The following MAMDC2 variants were observed in gnomAD, a reference collection of about 807,000 sequenced individuals.
The protein encoded by MAMDC2 is MAM domain containing 2.
MAMDC2 carries 57 observed loss-of-function variants against 89.8 expected under a neutral mutation model. The observed-to-expected ratio is 0.63, with a 90% confidence interval of 0.51 to 0.79. The LOEUF is 0.79. Ranked by LOEUF, MAMDC2 falls within the 30% of genes least tolerant of loss-of-function variation. The pLI is 0.00. For synonymous variants in MAMDC2, 313 were observed against 293.4 expected (o/e 1.07, Z -0.68); for missense variants, 800 against 820.6 (o/e 0.97, Z 0.31).
intron 9 of MAMDC2, chr9:70,157,857 A>G (rs1225405653): frequency 2.0e-5 from 3 of 152,268 alleles, no homozygotes; most frequent in African/African-American, 7.2e-5. Context: ...CCAAAGGTAA[A>G]CTAAGCAATA....
At chr9:70,114,262 G>C (rs1199985017) in intron 5 of MAMDC2, among the ~76,000 whole-genome samples, 1 of 145,622 alleles carries the variant, frequency 6.9e-6, no homozygotes, top group African/African-American at 2.6e-5. Flanking sequence ...ATGTGGGCTG[G>C]GTGAGGACTG....
chr9:70,217,170 TTTCTC>T, intron 11 of MAMDC2: 1 of 675,470 alleles, frequency 1.5e-6, no homozygotes, highest in South Asian at 1.7e-5. Flanking sequence ...TTCGCCATCT[TTTCTC>T]TTCCCGTGGA....
chr9:70,054,932 G>T (rs1351088227), intron 2 of MAMDC2, among the ~76,000 whole-genome samples: 1 of 152,100 alleles, frequency 6.6e-6, no homozygotes, highest in Non-Finnish European at 1.5e-5. Flanking sequence ...CAAAAACAAG[G>T]CCAGGCATAG....
At chr9:70,150,048 T>C (rs12686850) in intron 9 of MAMDC2, among the ~76,000 whole-genome samples, 10,487 of 152,190 alleles carry the variant, frequency 0.069, 570 homozygotes, top group East Asian at 0.22. Flanking sequence ...AGCTTTTTCA[T>C]TGTGAGTGAC....
At chr9:70,128,567 G>A (rs1393410005) in intron 6 of MAMDC2, among the ~76,000 whole-genome samples, 1 of 152,102 alleles carries the variant, frequency 6.6e-6, no homozygotes, top group Non-Finnish European at 1.5e-5. Flanking sequence ...AGAAACCGAG[G>A]GCTGGAGAAG....
chr9:70,088,814 A>G (rs112038363), intron 2 of MAMDC2: 23 of 152,058 alleles, frequency 1.5e-4, no homozygotes, highest in African/African-American at 5.3e-4. Context: ...CAAAACCCCA[A>G]AAGTGGTACA....
intron 9 of MAMDC2, among the ~76,000 whole-genome samples, chr9:70,159,103 G>A (rs968956380): frequency 6.6e-6 from 1 of 151,764 alleles, no homozygotes; most frequent in African/African-American, 2.4e-5. Context: ...CTGGAAAGGT[G>A]AGGATGCAAG....
chr9:70,164,447 C>T (rs2032097489), intron 9 of MAMDC2, among the ~76,000 whole-genome samples: 2 of 152,086 alleles, frequency 1.3e-5, no homozygotes, highest in Non-Finnish European at 2.9e-5. Flanking sequence ...GGCAGATTTC[C>T]TCGGCTATGA....
intron 2 of MAMDC2, among the ~76,000 whole-genome samples, chr9:70,093,389 T>C (rs967534194): frequency 6.6e-6 from 1 of 151,918 alleles, no homozygotes. Context: ...TCTGATGTCA[T>C]CATCATCCAC....
chr9:70,185,962 TGCTAGGA>T (rs1359006411), intron 11 of MAMDC2, among the ~76,000 whole-genome samples: 1 of 152,198 alleles, frequency 6.6e-6, no homozygotes, highest in Admixed American at 6.5e-5. Flanking sequence ...GCATAGGTCT[TGCTAGGA>T]GCTGCAGACC....
chr9:70,142,721 G>A (rs2031267934), intron 8 of MAMDC2, among the ~76,000 whole-genome samples: 1 of 152,098 alleles, frequency 6.6e-6, no homozygotes, highest in Admixed American at 6.6e-5. Context: ...AGAGAGCTCT[G>A]GCATGTCTTT....
At chr9:70,177,589 C>T (rs2032537275) in intron 11 of MAMDC2, among the ~76,000 whole-genome samples, 1 of 152,164 alleles carries the variant, frequency 6.6e-6, no homozygotes. Flanking sequence ...CCTCAACATC[C>T]TTTCCACAAC....
intron 6 of MAMDC2, among the ~76,000 whole-genome samples, chr9:70,126,647 G>A (rs2030565436): frequency 6.6e-6 from 1 of 152,080 alleles, no homozygotes; most frequent in African/African-American, 2.4e-5. Flanking sequence ...ATTTTTATGA[G>A]AACAAATATG....
rs745875443 is a variant in MAMDC2 at position 70,140,228 on chromosome 9, T to G, written c.1078T>G (p.Trp360Gly). 5 of 1,600,304 alleles carry G rather than the reference T, an allele frequency of 3.1e-6. No homozygotes were observed. In the African/African-American group the frequency reaches 6.8e-5, roughly 22 times the overall value. The change falls in exon 8 of 14, where the codon TGG becomes GGG. Residue 360 changes from tryptophan to glycine, a missense_variant. By Grantham distance (184) the Trp-to-Gly change is radical. Transcript: ENST00000377182. ...TTACCAAGATAAAGAAGGTCCAGGT[T>G]GGACCCGAGTGAAAGTAAAACCAAA... The part of the protein sequence containing the change: ...NFYQDKEGPG[W>G]TRVKVKPNMY...
intron 9 of MAMDC2, among the ~76,000 whole-genome samples, chr9:70,150,837 A>G (rs976411715): frequency 6.6e-6 from 1 of 152,092 alleles, no homozygotes; most frequent in African/African-American, 2.4e-5. Flanking sequence ...TACTCTCTCT[A>G]TACTCCAGAG....
rs561415558 is a variant in MAMDC2 at position 70,181,438 on chromosome 9, T to G, written c.1651+10807T>G. Among the ~76,000 whole-genome samples, 7 of 152,356 alleles carry G rather than the reference T, an allele frequency of 4.6e-5. No homozygotes were observed. In the South Asian group the frequency reaches 1.2e-3, roughly 27 times the overall value. ...ATAGCATTGAATCTATAAATTACTTTGGGCAGTATGGCCATTTTCATGATA... is the reference window on the plus strand; with the variant it reads ...ATAGCATTGAATCTATAAATTACTTGGGGCAGTATGGCCATTTTCATGATA... On this transcript the variant is annotated intron_variant, in intron 11 of 13. Coordinates refer to ENST00000377182, the MANE Select transcript of MAMDC2 (RefSeq NM_153267.5).
At chr9:70,169,800 T>A (rs550507953) in intron 10 of MAMDC2, 30 of 152,148 alleles carry the variant, frequency 2.0e-4, no homozygotes, top group African/African-American at 7.0e-4. Context: ...GACATAAACA[T>A]TGGATTTGGG....
At chr9:70,144,957 T>C (rs1563973867) in intron 9 of MAMDC2, among the ~76,000 whole-genome samples, 2 of 152,262 alleles carry the variant, frequency 1.3e-5, no homozygotes, top group South Asian at 2.1e-4. Flanking sequence ...CATTAAACTT[T>C]ACCATGGTTA....
chr9:70,045,457 T>A (rs980152313), intron 2 of MAMDC2, among the ~76,000 whole-genome samples: 1 of 152,162 alleles, frequency 6.6e-6, no homozygotes. Flanking sequence ...CCTTCTTTCC[T>A]TTCTCTCTCT....
Sources: allele counts gnomAD v4.1 joint callset (sites outside exome capture counted in the v4.1 genomes callset), GRCh38; gene constraint gnomAD v4.1.1; transcripts MANE v1.5; gene names NCBI Gene and HGNC (gene_info 2026-07-23, HGNC 2026-07-21).